Variants in DOP1B observed in about 807,000 individuals in gnomAD.
DOP1B encodes the protein protein DOP1B.
A neutral mutation model predicts 233.5 loss-of-function variants in DOP1B; 174 were observed. The observed-to-expected ratio is 0.75, with a 90% CI of 0.66 to 0.85. The LOEUF is 0.85. DOP1B is among the 40% of genes least tolerant of loss of function. The pLI is 0.00. For synonymous variants in DOP1B, 1,190 were observed against 1,185.6 expected (o/e 1.00, Z -0.08); for missense variants, 2,652 against 2,846.6 (o/e 0.93, Z 1.56).
chr21:36,276,769 A>AGGT (rs1036859930), intron 27 of DOP1B, among the ~76,000 whole-genome samples: 2 of 141,968 alleles, frequency 1.4e-5, no homozygotes, highest in African/African-American at 5.3e-5. Flanking sequence ...TAAACCTGGG[A>AGGT]GGTGGAGGCT....
intron 26 of DOP1B, among the ~76,000 whole-genome samples, chr21:36,269,337 T>C (rs2067261792): frequency 6.6e-6 from 1 of 151,448 alleles, no homozygotes. Flanking sequence ...GTATTCTTAC[T>C]AGAGACAGGG....
intron 12 of DOP1B, among the ~76,000 whole-genome samples, chr21:36,226,129 C>T (rs1460629769): frequency 4.6e-5 from 7 of 152,034 alleles, no homozygotes; most frequent in Non-Finnish European, 8.8e-5. Context: ...ATTGAAATAC[C>T]GAGCCTAGCT....
rs560909104 is a variant in DOP1B at position 36,197,564 on chromosome 21, C to T, written c.139-1506C>T. ...AGAAGAGTGAGATAGTCCCTGCCCT[C>T]GCACTGTAGAGGGAAGGCCTGTTCT... On this transcript the variant is annotated intron_variant, in intron 2 of 36. Coordinates refer to ENST00000691173, the MANE Select transcript of DOP1B (RefSeq NM_001320714.2). 2.0e-5 allele frequency among the ~76,000 whole-genome samples: 3 copies of T among 152,306 alleles called. No individual in the cohort carries two copies. The South Asian group carries it at 6.2e-4, about 32-fold the overall frequency.
chr21:36,256,000 CTTCTAT>C (rs948428972), intron 23 of DOP1B, among the ~76,000 whole-genome samples: 1 of 152,172 alleles, frequency 6.6e-6, no homozygotes, highest in African/African-American at 2.4e-5. Context: ...CCCTTAGAGT[CTTCTAT>C]TTCTGTTTTT....
chr21:36,290,125 C>A (rs548956462), intron 35 of DOP1B, among the ~76,000 whole-genome samples: 1 of 152,116 alleles, frequency 6.6e-6, no homozygotes, highest in Non-Finnish European at 1.5e-5. Context: ...GTTGATAATA[C>A]GGCAGGCTTG....
In DOP1B at chr21:36,173,480, G is replaced by A. The variant is rs868199267; in HGVS notation, c.138+8609G>A. Among the ~76,000 whole-genome samples, 203 of 150,054 alleles carry A rather than the reference G, an allele frequency of 1.4e-3. No individual in the cohort carries two copies. In the Middle Eastern group the frequency reaches 0.014, roughly 10 times the overall value. On this transcript the variant is annotated intron_variant, in intron 2 of 36. Transcript: ENST00000691173. ...TCTGTCGCCCAGGCTGGAGTGCAGC[G>A]GCCCCGTCTTGGCTCACTGCAAGCT...
intron 26 of DOP1B, among the ~76,000 whole-genome samples, chr21:36,269,360 G>C (rs1283503879): frequency 6.6e-6 from 1 of 151,524 alleles, no homozygotes; most frequent in Non-Finnish European, 1.5e-5. Context: ...TCACCATGTT[G>C]GTCAGGCTGG....
chr21:36,235,110 A>G (rs377665343), intron 15 of DOP1B, among the ~76,000 whole-genome samples: 91 of 152,326 alleles, frequency 6.0e-4, no homozygotes, highest in African/African-American at 2.1e-3. Context: ...TGTACTGTAC[A>G]GTTCTTGAGA....
rs547999186 is a variant in DOP1B, at chr21:36,283,936, C to CTTTT, written c.6160+2346_6160+2349dup. Among the ~76,000 whole-genome samples the CTTTT allele has an allele frequency of 9.3e-4, 94 of 100,996 alleles. 3 individuals are homozygous for CTTTT. Among genetic ancestry groups the CTTTT allele is most frequent in the African/African-American group, 3.2e-3 (81 of 24,980 alleles). The allele number at this position is 100,996 out of a possible 152,430, so 66.3% of individuals were successfully genotyped here. A position where few individuals can be genotyped will look rare whatever the true frequency, so the allele number is the denominator to read the frequency against. ...TCAGTCTAAGAGCAGACACCTGTTCCTTTTTTTTTTTTTTTTTTTTTTTTC... is the reference window on the plus strand; with the variant it reads ...TCAGTCTAAGAGCAGACACCTGTTCCTTTTTTTTTTTTTTTTTTTTTTTTTTTTC... On this transcript the variant is annotated intron_variant, in intron 32 of 36. Coordinates refer to ENST00000691173, the MANE Select transcript of DOP1B (RefSeq NM_001320714.2).
chr21:36,257,669 GGTAGGTAGGTAGAT>G (rs764701893), intron 23 of DOP1B, among the ~76,000 whole-genome samples: 4 of 151,922 alleles, frequency 2.6e-5, no homozygotes, highest in Non-Finnish European at 5.9e-5. Flanking sequence ...GATAGATGTA[GGTAGGTAGGTAGAT>G]GTAGGTAGGT....
chr21:36,274,417 GGAAAAAACAGAA>G (rs1466675950), intron 27 of DOP1B, among the ~76,000 whole-genome samples: 1 of 152,048 alleles, frequency 6.6e-6, no homozygotes, highest in East Asian at 1.9e-4. Context: ...TTACCAAGGT[GGAAAAAACAGAA>G]GAAAAAACAT....
intron 20 of DOP1B, 100 bp downstream of exon 20, chr21:36,247,728 G>A (rs1450311861): frequency 2.4e-6 from 2 of 822,900 alleles, no homozygotes; most frequent in Non-Finnish European, 3.8e-6. Context: ...TGTAATGTCT[G>A]TAACTAATAT....
intron 27 of DOP1B, among the ~76,000 whole-genome samples, chr21:36,273,184 A>G (rs1026174915): frequency 1.3e-5 from 2 of 151,918 alleles, no homozygotes; most frequent in Non-Finnish European, 2.9e-5. Context: ...AGGTGGGCAG[A>G]TCACCTGAGG....
chr21:36,254,740 A>G (rs2067073197), intron 23 of DOP1B, among the ~76,000 whole-genome samples: 2 of 40,642 alleles, frequency 4.9e-5, no homozygotes, highest in South Asian at 1.7e-3. Context: ...TCTCGCAGGA[A>G]CAAACAGTAA....
intron 8 of DOP1B, 112 bp downstream of exon 8, chr21:36,214,302 G>T: frequency 8.1e-7 from 1 of 1,239,852 alleles, no homozygotes; most frequent in East Asian, 2.4e-5. Flanking sequence ...CCCTGGTTTG[G>T]GGAACTGCAG....
At chr21:36,222,053 G>A (rs191106464) in intron 10 of DOP1B, among the ~76,000 whole-genome samples, 1 of 151,748 alleles carries the variant, frequency 6.6e-6, no homozygotes, top group Admixed American at 6.6e-5. Flanking sequence ...TATGTTTTTA[G>A]TAGTGACAGA....
intron 16 of DOP1B, 71 bp from the exon 17 acceptor site, chr21:36,238,530 G>T: frequency 7.7e-7 from 1 of 1,303,154 alleles, no homozygotes; most frequent in Non-Finnish European, 1.1e-6. Flanking sequence ...TTTAAATGGG[G>T]TTTATGGTGA....
In DOP1B at chr21:36,270,094, C is replaced by T; in HGVS notation, c.5569C>T (p.Leu1857=). ...LEQTSWLSRN[L]EVKAQPQASL... is the part of the protein sequence containing the mutation. ...GCAAACCAGCTGGCTAAGCAGAAAC[C>T]TGGAAGTGAAGGCCCAACCTCAGGC... Residue 1857 remains leucine, a synonymous_variant, in exon 27 of 37, where the codon CTG becomes TTG. Coordinates refer to ENST00000691173, the MANE Select transcript of DOP1B (RefSeq NM_001320714.2). 6.2e-7 allele frequency: 1 copy of T among 1,614,076 alleles called. No homozygotes were observed. The highest frequency in any genetic ancestry group is 1.3e-5 in the African/African-American group (1 of 75,034).
At chr21:36,166,523 G>A (rs1024263985) in intron 2 of DOP1B, among the ~76,000 whole-genome samples, 13 of 152,246 alleles carry the variant, frequency 8.5e-5, no homozygotes, top group African/African-American at 3.1e-4. Flanking sequence ...ACATATAGAT[G>A]GGAGCATTAT....
Sources: gnomAD v4.1 joint callset for allele counts (sites outside exome capture counted in the v4.1 genomes callset) on GRCh38, gnomAD v4.1.1 for gene constraint, MANE v1.5 for transcripts, NCBI Gene and HGNC (gene_info 2026-07-23, HGNC 2026-07-21) for gene names.